C11orf42: variants seen among roughly 807,000 people sequenced by gnomAD.
The protein encoded by C11orf42 is chromosome 11 open reading frame 42, also known as uncharacterized protein C11orf42.
C11orf42 carries 24 observed loss-of-function variants against 27.9 expected under a neutral mutation model. The ratio of observed to expected loss-of-function variants is 0.86; its 90% CI spans 0.62 to 1.21. The LOEUF (loss-of-function observed/expected upper bound fraction) is 1.21, where lower values mean the gene tolerates loss of function less well. Among genes scored for constraint, C11orf42 ranks in the 50% most tolerant of loss-of-function variants. The pLI, the probability that C11orf42 is intolerant of heterozygous loss-of-function variation, is 0.00. For synonymous variants in C11orf42, 187 were observed against 180.8 expected (o/e 1.03, Z -0.28); for missense variants, 455 against 424.1 (o/e 1.07, Z -0.64).
chr11:6,208,786 T>C (rs1847007674), intron 1 of C11orf42, among the ~76,000 whole-genome samples: 2 of 152,158 alleles, frequency 1.3e-5, no homozygotes, highest in South Asian at 4.1e-4. Flanking sequence ...ATAACCTAAA[T>C]ATCTCTAATA....
At position 6,209,328 on chromosome 11, in the gene C11orf42, T is replaced by A. The variant is rs1456905848; in HGVS notation, c.73-522T>A. Among the ~76,000 whole-genome samples, 83 of 152,166 alleles carry A rather than the reference T, an allele frequency of 5.5e-4. 2 individuals are homozygous for A. The highest frequency in any genetic ancestry group is 5.4e-3 in the Admixed American group (83 of 15,282). Reference sequence around the variant, plus strand: ...TCATAATCTAGTTCCTGTGTGCCTTTCCCTCCTCATACCATACATACCAGC... The same window carrying A: ...TCATAATCTAGTTCCTGTGTGCCTTACCCTCCTCATACCATACATACCAGC... On this transcript the variant is annotated intron_variant, in intron 1 of 2. Coordinates refer to ENST00000316375, the MANE Select transcript of C11orf42 (RefSeq NM_173525.3).
intron 1 of C11orf42, among the ~76,000 whole-genome samples, chr11:6,207,034 T>G (rs898862166): frequency 6.6e-6 from 1 of 152,132 alleles, no homozygotes; most frequent in Non-Finnish European, 1.5e-5. Flanking sequence ...CATTCAGAAT[T>G]TGAAGCAACC....
In C11orf42 at chr11:6,210,832, G is replaced by A. The variant is rs997969865; in HGVS notation, c.872-80G>A. 172 of 1,477,532 alleles carry A rather than the reference G, an allele frequency of 1.2e-4. No homozygotes were observed. Among genetic ancestry groups the A allele is most frequent in the Non-Finnish European group, 1.5e-4 (168 of 1,106,908 alleles). The allele number at this position is 1,477,532 out of a possible 1,614,324, so 91.5% of individuals were successfully genotyped here. On this transcript the variant is annotated intron_variant, in intron 2 of 2. Coordinates refer to ENST00000316375, the MANE Select transcript of C11orf42 (RefSeq NM_173525.3). This position sits in a 1 kb window ranked among gnomAD's most constrained non-coding sequence, Gnocchi z 4.0. ...AGGCCCTAGGAAGGGGATTGGGATG[G>A]CACAGAGGACCAGAGGGAAAAGCTA...
At chr11:6,209,650 T>C (rs1847020282) in intron 1 of C11orf42, among the ~76,000 whole-genome samples, 200 bp from the exon 2 acceptor site, 1 of 152,244 alleles carries the variant, frequency 6.6e-6, no homozygotes, top group South Asian at 2.1e-4. Context: ...TCTCATTCTT[T>C]TATGTTTTCC....
At chr11:6,206,891 C>T (rs1407079799) in intron 1 of C11orf42, among the ~76,000 whole-genome samples, 1 of 152,234 alleles carries the variant, frequency 6.6e-6, no homozygotes, top group Non-Finnish European at 1.5e-5. Context: ...GGATAAATCA[C>T]TGGCATTACG....
In C11orf42 at chr11:6,205,641, T is replaced by G. The variant is rs746955233; in HGVS notation, c.26T>G (p.Leu9Arg). The change falls in exon 1 of 3, where the codon CTG (leucine) becomes CGG (arginine). Residue 9 changes from leucine to arginine, a missense_variant. Transcript: ENST00000316375. Reference sequence around the variant, plus strand: ...ATGTTGGTGGGTACCCCCAACCTGCTGACACTGGATGAAGCTGATGCCACC... The same window carrying G: ...ATGTTGGTGGGTACCCCCAACCTGCGGACACTGGATGAAGCTGATGCCACC... MLVGTPNL[L>R]TLDEADATWT... 6.2e-7 allele frequency: 1 copy of G among 1,613,886 alleles called. No homozygotes were observed. The highest frequency in any genetic ancestry group is 8.5e-7 in the Non-Finnish European group (1 of 1,179,858).
chr11:6,211,028 G>C lies in C11orf42; in HGVS notation c.988G>C (p.Asp330His). ...PLLQGLSSEF[D>H]SDD ...GCTGCAGGGTCTATCCTCAGAGTTC[G>C]ACAGTGACGACTGAAGCTGAAGCAA... Residue 330 changes from aspartate (D) to histidine (H), a missense_variant, in exon 3 of 3, where the codon GAC (aspartate) becomes CAC (histidine). Coordinates refer to ENST00000316375, the MANE Select transcript of C11orf42 (RefSeq NM_173525.3). The C allele has an allele frequency of 6.2e-7, 1 of 1,610,776 alleles. No individual in the cohort carries two copies. The highest frequency in any genetic ancestry group is 8.5e-7 in the Non-Finnish European group (1 of 1,178,986).
Position 6,210,531 on chromosome 11 carries a change from C to A in C11orf42, c.754C>A (p.Pro252Thr). The A allele has an allele frequency of 1.9e-6, 3 of 1,613,084 alleles. No homozygotes were observed. Among genetic ancestry groups the A allele is most frequent in the Non-Finnish European group, 2.5e-6 (3 of 1,179,344 alleles). The change falls in exon 2 of 3, where the codon CCC becomes ACC. Residue 252 changes from proline to threonine, a missense_variant. Physicochemically the swap from Pro to Thr is conservative, Grantham distance 38 (BLOSUM62 -1). Transcript: ENST00000316375. The surrounding 1 kb of genome is among the most constrained non-coding windows in gnomAD (Gnocchi z 4.0). Reference protein sequence around the residue: ...PADTTEAADVPPPVPAPPTPP... With the variant: ...PADTTEAADVTPPVPAPPTPP... ...TGATACAACTGAAGCTGCTGATGTG[C>A]CCCCACCTGTCCCAGCCCCACCTAC...
In C11orf42 at chr11:6,210,720, A is replaced by G. The variant is rs1847048233; in HGVS notation, c.871+72A>G. 5.9e-6 allele frequency: 9 copies of G among 1,517,404 alleles called. No homozygotes were observed. Among genetic ancestry groups the G allele is most frequent in the Non-Finnish European group, 7.2e-6 (8 of 1,113,122 alleles). The allele number at this position is 1,517,404 out of a possible 1,614,324, so 94.0% of individuals were successfully genotyped here. A position where few individuals can be genotyped will look rare whatever the true frequency, so the allele number is the denominator to read the frequency against. ...GAAGGAGGGAGAAGGCATGAGAATT[A>G]AGTATGTGAGGAATCCATTACTCAG... On this transcript the variant is annotated intron_variant, in intron 2 of 2. Transcript: ENST00000316375. This position sits in a 1 kb window ranked among gnomAD's most constrained non-coding sequence, Gnocchi z 4.0.
chr11:6,208,950 G>T lies in C11orf42; in HGVS notation c.73-900G>T, dbSNP rs184454556. Among the ~76,000 whole-genome samples, 733 of 151,958 alleles carry T rather than the reference G, an allele frequency of 4.8e-3. 8 individuals are homozygous for T. The highest frequency in any genetic ancestry group is 0.017 in the African/African-American group (703 of 41,426). On this transcript the variant is annotated intron_variant, in intron 1 of 2. Transcript: ENST00000316375. ...AACACTTTGGGAGGCTGAGGCAGGCGGACTGCCTGAGCTCAGGAGTTCAAA... is the reference window on the plus strand; with the variant it reads ...AACACTTTGGGAGGCTGAGGCAGGCTGACTGCCTGAGCTCAGGAGTTCAAA...
chr11:6,206,838 T>G (rs1178556969), intron 1 of C11orf42, among the ~76,000 whole-genome samples: 2 of 152,182 alleles, frequency 1.3e-5, no homozygotes, highest in Non-Finnish European at 2.9e-5. Context: ...CACTATCCTA[T>G]TTAAATTGAA....
chr11:6,205,923 A>C (rs963900963), intron 1 of C11orf42, among the ~76,000 whole-genome samples: 1 of 152,202 alleles, frequency 6.6e-6, no homozygotes, highest in Admixed American at 6.5e-5. Flanking sequence ...GGGAATTATG[A>C]GCAAAGAGGA....
rs1847048286 is a variant in C11orf42, at chr11:6,210,725, T to C, written c.871+77T>C. Reference sequence around the variant, plus strand: ...AGGGAGAAGGCATGAGAATTAAGTATGTGAGGAATCCATTACTCAGCACAG... The same window carrying C: ...AGGGAGAAGGCATGAGAATTAAGTACGTGAGGAATCCATTACTCAGCACAG... On this transcript the variant is annotated intron_variant, in intron 2 of 2. Coordinates refer to ENST00000316375, the MANE Select transcript of C11orf42 (RefSeq NM_173525.3). The surrounding 1 kb of genome is among the most constrained non-coding windows in gnomAD (Gnocchi z 4.0). The C allele has an allele frequency of 4.7e-6, 7 of 1,495,614 alleles. No individual in the cohort carries two copies. In the South Asian group the frequency reaches 7.4e-5, roughly 16 times the overall value. The allele number at this position is 1,495,614 out of a possible 1,614,324, so 92.6% of individuals were successfully genotyped here.
intron 1 of C11orf42, among the ~76,000 whole-genome samples, chr11:6,206,213 G>A (rs1433170977): frequency 6.6e-6 from 1 of 152,172 alleles, no homozygotes; most frequent in Non-Finnish European, 1.5e-5. Flanking sequence ...CAAAGAAGCA[G>A]TGGTAAAAAT....
chr11:6,209,173 CAAAAAAA>C (rs59276219), intron 1 of C11orf42, among the ~76,000 whole-genome samples: 1,602 of 124,150 alleles, frequency 0.013, 28 homozygotes, highest in African/African-American at 0.046. Flanking sequence ...AGAACCGACT[CAAAAAAA>C]AAAAAAAAAA....
chr11:6,209,285 G>A (rs1847014543), intron 1 of C11orf42, among the ~76,000 whole-genome samples: 1 of 151,850 alleles, frequency 6.6e-6, no homozygotes, highest in African/African-American at 2.4e-5. Context: ...AAATTCACTT[G>A]ACATACACAC....
chr11:6,209,792 T>A, intron 1 of C11orf42, 58 bp from the exon 2 acceptor site: 2 of 1,497,490 alleles, frequency 1.3e-6, no homozygotes, highest in South Asian at 2.7e-5. Flanking sequence ...CAATTTAAAG[T>A]AGGCAACCAG....
chr11:6,210,886 G>A lies in C11orf42; in HGVS notation c.872-26G>A, dbSNP rs1847053720. The A allele has an allele frequency of 6.3e-7, 1 of 1,583,452 alleles. No homozygotes were observed. The highest frequency in any genetic ancestry group is 2.1e-4 in the Middle Eastern group (1 of 4,836). On this transcript the variant is annotated intron_variant, in intron 2 of 2. Coordinates refer to ENST00000316375, the MANE Select transcript of C11orf42 (RefSeq NM_173525.3). The surrounding 1 kb of genome is among the most constrained non-coding windows in gnomAD (Gnocchi z 4.0). ...GGGGAAAAGACCAGCCATGAGTCAA[G>A]CTGTGACTATCCCCAACCCTGGCAG...
At chr11:6,207,627 C>T (rs541946369) in intron 1 of C11orf42, among the ~76,000 whole-genome samples, 3 of 152,134 alleles carry the variant, frequency 2.0e-5, no homozygotes, top group South Asian at 2.1e-4. Flanking sequence ...CAGAGCCCCA[C>T]CCAAAAGGAA....
Sources: gnomAD v4.1 joint callset for allele counts (sites outside exome capture counted in the v4.1 genomes callset) on GRCh38, gnomAD v4.1.1 for gene constraint, Gnocchi (gnomAD v3.1) non-coding constraint, MANE v1.5 for transcripts, NCBI Gene and HGNC (gene_info 2026-07-23, HGNC 2026-07-21) for gene names.